Variants in ADGRA1 observed in about 807,000 individuals in gnomAD.
ADGRA1 encodes the protein G-protein coupled receptor 123.
ADGRA1 carries 12 observed loss-of-function variants against 21.3 expected under a neutral mutation model. That is an observed-to-expected ratio of 0.56 (90% CI 0.36 to 0.91). The LOEUF (loss-of-function observed/expected upper bound fraction) is 0.91, where lower values mean the gene tolerates loss of function less well. ADGRA1 is among the 40% of genes least tolerant of loss of function. The pLI is 0.01. For missense variants in ADGRA1, 790 were observed against 805.6 expected, an observed-to-expected ratio of 0.98 and a Z score of 0.23; for synonymous variants, 385 against 368.8, an observed-to-expected ratio of 1.04 and a Z score of -0.50.
intron 5 of ADGRA1, among the ~76,000 whole-genome samples, chr10:133,105,706 G>A (rs1010898024): frequency 2.6e-5 from 4 of 152,198 alleles, no homozygotes; most frequent in African/African-American, 9.6e-5. Flanking sequence ...CAGAGGGGGC[G>A]GACACCCCCC....
intron 5 of ADGRA1, among the ~76,000 whole-genome samples, chr10:133,122,502 G>A (rs1432279918): frequency 6.6e-6 from 1 of 152,250 alleles, no homozygotes; most frequent in African/African-American, 2.4e-5. Flanking sequence ...CCTCTACTGC[G>A]AAGCTCCACC....
chr10:133,097,015 G>T lies in ADGRA1; in HGVS notation c.45G>T (p.Glu15Asp). The change falls in exon 3 of 7, where the codon GAG becomes GAT. Residue 15 changes from glutamate (E) to aspartate (D), a missense_variant. Physicochemically the swap from Glu to Asp is conservative, Grantham distance 45. Transcript: ENST00000392607. ...TCTCCCTGCCCCGCTACCCAGGGGA[G>T]TTCCTGCACCCCGTGGTGTACGCGT... ...TVLSLPRYPG[E>D]FLHPVVYACT... is the part of the protein sequence containing the mutation. 6.2e-7 allele frequency: 1 copy of T among 1,613,348 alleles called. No homozygotes were observed. Among genetic ancestry groups the T allele is most frequent in the East Asian group, 2.2e-5 (1 of 44,882 alleles).
At chr10:133,114,547 C>T (rs958549494) in intron 5 of ADGRA1, among the ~76,000 whole-genome samples, 1 of 152,190 alleles carries the variant, frequency 6.6e-6, no homozygotes, top group Non-Finnish European at 1.5e-5. Flanking sequence ...CCTCCCGACA[C>T]CCGCGGCGTC....
At chr10:133,090,050 T>C (rs1196136870) in intron 2 of ADGRA1, among the ~76,000 whole-genome samples, 5 of 152,210 alleles carry the variant, frequency 3.3e-5, no homozygotes, top group African/African-American at 1.2e-4. Context: ...AGCCTCAAAT[T>C]GAGACCCTTA....
intron 2 of ADGRA1, among the ~76,000 whole-genome samples, chr10:133,092,794 G>GAAGGAAGGAAGGAAGA (rs1851619781): frequency 1.4e-5 from 2 of 138,648 alleles, no homozygotes; most frequent in Admixed American, 1.5e-4. Context: ...AGGAAGGAAG[G>GAAGGAAGGAAGGAAGA]AAGAGAGGGA....
intron 5 of ADGRA1, among the ~76,000 whole-genome samples, chr10:133,112,824 G>A (rs1324191540): frequency 6.8e-6 from 1 of 146,876 alleles, no homozygotes; most frequent in Non-Finnish European, 1.5e-5. Context: ...GGTTATTTGG[G>A]GTCTGTAAGC....
intron 2 of ADGRA1, among the ~76,000 whole-genome samples, chr10:133,095,487 C>A (rs531877777): frequency 2.0e-5 from 3 of 152,356 alleles, no homozygotes; most frequent in Admixed American, 2.0e-4. Context: ...GGCCCCACAG[C>A]GACGCCCGCT....
rs10776692 is a variant in ADGRA1, at chr10:133,088,892, C to A, written c.-18C>A. On this transcript the variant is annotated 5_prime_UTR_variant, in exon 2 of 7. Coordinates refer to ENST00000392607, the MANE Select transcript of ADGRA1 (RefSeq NM_001083909.3). ...CCTCCTCCAGCGGCGCTCACGCTTC[C>A]GCAACTTTGCAGCGCTCATGGTGAG... 8 of 1,240,210 alleles carry A rather than the reference C, an allele frequency of 6.5e-6. No homozygotes were observed. In the South Asian group the frequency reaches 2.4e-4, roughly 38 times the overall value. The allele number at this position is 1,240,210 out of a possible 1,614,324, so 76.8% of individuals were successfully genotyped here. A position where few individuals can be genotyped will look rare whatever the true frequency, so the allele number is the denominator to read the frequency against.
chr10:133,120,691 A>G (rs533842826), intron 5 of ADGRA1, among the ~76,000 whole-genome samples: 1 of 152,290 alleles, frequency 6.6e-6, no homozygotes, highest in East Asian at 1.9e-4. Flanking sequence ...GTCTGATTTG[A>G]TCTTCCATCC....
At chr10:133,110,950 T>A (rs1261322067) in intron 5 of ADGRA1, among the ~76,000 whole-genome samples, 1 of 152,154 alleles carries the variant, frequency 6.6e-6, no homozygotes, top group Non-Finnish European at 1.5e-5. Flanking sequence ...CCTGCTCCAA[T>A]GTGAGCACAG....
intron 5 of ADGRA1, among the ~76,000 whole-genome samples, chr10:133,103,738 G>T (rs1486339732): frequency 6.6e-6 from 1 of 152,228 alleles, no homozygotes; most frequent in Non-Finnish European, 1.5e-5. Context: ...TTAGACGGGG[G>T]TCTGGCCGCG....
intron 2 of ADGRA1, among the ~76,000 whole-genome samples, chr10:133,092,731 A>C (rs2135863544): frequency 6.8e-6 from 1 of 147,502 alleles, no homozygotes; most frequent in Non-Finnish European, 1.5e-5. Flanking sequence ...CACCTGAATG[A>C]AGAAGGAGAA....
At chr10:133,117,523 C>A (rs1852182036) in intron 5 of ADGRA1, among the ~76,000 whole-genome samples, 1 of 152,200 alleles carries the variant, frequency 6.6e-6, no homozygotes, top group Admixed American at 6.5e-5. Flanking sequence ...GCCAGGAGGC[C>A]CCAGGATCAG....
At chr10:133,092,856 G>GGAAGGAAGGAAGGAAA in intron 2 of ADGRA1, 1 of 1,292,882 alleles carries the variant, frequency 7.7e-7, no homozygotes, top group South Asian at 1.3e-5. Context: ...AAGGAAGGAA[G>GGAAGGAAGGAAGGAAA]GAAGGAAGGA....
chr10:133,123,803 G>C (rs559065338), intron 5 of ADGRA1, among the ~76,000 whole-genome samples: 99 of 151,656 alleles, frequency 6.5e-4, no homozygotes, highest in African/African-American at 2.3e-3. Flanking sequence ...GCAGCCCTGC[G>C]TCCTCTCTCC....
At chr10:133,124,440 C>G (rs963484510) in intron 5 of ADGRA1, among the ~76,000 whole-genome samples, 1 of 152,170 alleles carries the variant, frequency 6.6e-6, no homozygotes, top group African/African-American at 2.4e-5. Flanking sequence ...AACCTTCCCC[C>G]AAAGGCAGTG....
chr10:133,099,050 G>A (rs1021634282), intron 4 of ADGRA1, among the ~76,000 whole-genome samples: 10 of 152,194 alleles, frequency 6.6e-5, no homozygotes, highest in African/African-American at 2.4e-4. Context: ...CCCTCCCGGA[G>A]AAAGTGCTGG....
intron 5 of ADGRA1, among the ~76,000 whole-genome samples, chr10:133,112,903 T>G (rs2135894113): frequency 3.4e-5 from 4 of 117,900 alleles, no homozygotes; most frequent in East Asian, 2.7e-4. Flanking sequence ...TCAGTTCGGT[T>G]ATTTGGGGTC....
At chr10:133,099,963 C>T (rs1293642402) in intron 4 of ADGRA1, among the ~76,000 whole-genome samples, 1 of 152,236 alleles carries the variant, frequency 6.6e-6, no homozygotes, top group Admixed American at 6.5e-5. Flanking sequence ...GTGCACAGAA[C>T]CCCCCAGACT....
Sources: gnomAD v4.1 joint callset for allele counts (sites outside exome capture counted in the v4.1 genomes callset) on GRCh38, gnomAD v4.1.1 for gene constraint, MANE v1.5 for transcripts, NCBI Gene and HGNC (gene_info 2026-07-23, HGNC 2026-07-21) for gene names.